The following AGBL1 variants were observed in gnomAD, a reference collection of about 807,000 sequenced individuals.
The protein encoded by AGBL1 is AGBL carboxypeptidase 1.
AGBL1 carries 130 observed loss-of-function variants against 118.9 expected under a neutral mutation model. The observed-to-expected ratio is 1.09, with a 90% CI of 0.95 to 1.26. The LOEUF (loss-of-function observed/expected upper bound fraction) is 1.26, where lower values mean the gene tolerates loss of function less well. Ranked by LOEUF, AGBL1 falls within the 50% of genes most tolerant of loss-of-function variation. The pLI, the probability that AGBL1 is intolerant of heterozygous loss-of-function variation, is 0.00. For missense variants in AGBL1, 1,584 were observed against 1,298.1 expected, an observed-to-expected ratio of 1.22 and a Z score of -3.38; for synonymous variants, 555 against 478.9, an observed-to-expected ratio of 1.16 and a Z score of -2.08.
intron 17 of AGBL1, among the ~76,000 whole-genome samples, chr15:86,336,935 T>C (rs1223573583): frequency 6.6e-6 from 1 of 152,200 alleles, no homozygotes; most frequent in East Asian, 1.9e-4. Flanking sequence ...GATAGTCTTC[T>C]AGCACAGGAA....
intron 19 of AGBL1, among the ~76,000 whole-genome samples, chr15:86,542,590 A>T (rs1009771606): frequency 2.0e-5 from 3 of 151,752 alleles, no homozygotes; most frequent in African/African-American, 7.3e-5. Context: ...CTGGTCTCGA[A>T]CTCCTGACCT....
chr15:86,486,234 T>C (rs1038873799), intron 18 of AGBL1, among the ~76,000 whole-genome samples: 1 of 152,118 alleles, frequency 6.6e-6, no homozygotes, highest in African/African-American at 2.4e-5. Flanking sequence ...TCCTGATCCA[T>C]GCTGTGAATA....
chr15:86,205,469 G>A (rs1349115769), intron 5 of AGBL1, among the ~76,000 whole-genome samples: 2 of 152,124 alleles, frequency 1.3e-5, no homozygotes, highest in Non-Finnish European at 2.9e-5. Flanking sequence ...AGGTAAATAC[G>A]AAGGAGCACA....
intron 17 of AGBL1, among the ~76,000 whole-genome samples, chr15:86,391,640 GTT>G (rs751427467): frequency 1.8e-4 from 13 of 73,782 alleles, no homozygotes; most frequent in East Asian, 1.4e-3. Flanking sequence ...GTTGTTGTTG[GTT>G]TTTTTTTTTT....
intron 18 of AGBL1, among the ~76,000 whole-genome samples, chr15:86,433,300 G>A (rs1374252822): frequency 4.3e-5 from 2 of 46,296 alleles, no homozygotes; most frequent in African/African-American, 9.8e-5. Flanking sequence ...TTTTGCCATT[G>A]GCCACATAGT....
intron 6 of AGBL1, among the ~76,000 whole-genome samples, chr15:86,232,309 C>G (rs2078469601): frequency 6.6e-6 from 1 of 152,222 alleles, no homozygotes; most frequent in Non-Finnish European, 1.5e-5. Flanking sequence ...GAGCCGCAGA[C>G]AGTAAAGCAT....
At chr15:86,572,826 C>T (rs1462637581) in intron 21 of AGBL1, among the ~76,000 whole-genome samples, 7 of 152,228 alleles carry the variant, frequency 4.6e-5, no homozygotes, top group Admixed American at 1.3e-4. Flanking sequence ...GGCACTGCTG[C>T]CTGGAATTTT....
intron 5 of AGBL1, among the ~76,000 whole-genome samples, chr15:86,160,828 G>A: frequency 6.6e-6 from 1 of 152,196 alleles, no homozygotes; most frequent in South Asian, 2.1e-4. Context: ...TGTTTGGAAG[G>A]CTCCCCTAGG....
chr15:86,247,244 T>C (rs1245634636), intron 6 of AGBL1, among the ~76,000 whole-genome samples: 1 of 152,268 alleles, frequency 6.6e-6, no homozygotes, highest in African/African-American at 2.4e-5. Flanking sequence ...CTTATTATGC[T>C]GACTTGTCAT....
intron 22 of AGBL1, among the ~76,000 whole-genome samples, chr15:86,682,049 G>C (rs2142571596): frequency 6.6e-6 from 1 of 152,230 alleles, no homozygotes; most frequent in African/African-American, 2.4e-5. Context: ...TCTGGTAATA[G>C]CTCTCTTTAA....
At chr15:86,279,833 GA>G (rs760753450) in intron 16 of AGBL1, 50 bp downstream of exon 16, 8 of 1,597,694 alleles carry the variant, frequency 5.0e-6, no homozygotes, top group African/African-American at 1.3e-5. Flanking sequence ...GGGGCTCTCT[GA>G]GGTTTTCCTG....
intron 24 of AGBL1, among the ~76,000 whole-genome samples, chr15:86,994,995 T>C (rs1171454497): frequency 3.3e-5 from 5 of 152,194 alleles, no homozygotes; most frequent in Non-Finnish European, 5.9e-5. Context: ...GCTGACTTTA[T>C]GTTTTTTTGG....
At chr15:86,305,072 A>G (rs2079817291) in intron 17 of AGBL1, 2 of 152,134 alleles carry the variant, frequency 1.3e-5, no homozygotes, top group African/African-American at 4.8e-5. Context: ...TTTCTCTTTC[A>G]GGATCCTTGC....
chr15:86,733,712 A>G (rs1378459894), intron 22 of AGBL1, among the ~76,000 whole-genome samples: 1 of 152,230 alleles, frequency 6.6e-6, no homozygotes, highest in Admixed American at 6.5e-5. Flanking sequence ...AGGAGCTATC[A>G]TTAGCCATTT....
chr15:86,761,213 C>T (rs1267594565), intron 22 of AGBL1, among the ~76,000 whole-genome samples: 2 of 152,030 alleles, frequency 1.3e-5, no homozygotes, highest in Non-Finnish European at 2.9e-5. Context: ...ACTAGAAGGT[C>T]AGGAATACAA....
chr15:86,447,338 A>C (rs1450387927), intron 18 of AGBL1, among the ~76,000 whole-genome samples: 1 of 152,172 alleles, frequency 6.6e-6, no homozygotes, highest in Non-Finnish European at 1.5e-5. Context: ...GAGCCGCGGA[A>C]TTGTAGTGGA....
At chr15:86,239,139 T>C (rs2078602079) in intron 6 of AGBL1, among the ~76,000 whole-genome samples, 1 of 152,220 alleles carries the variant, frequency 6.6e-6, no homozygotes, top group Non-Finnish European at 1.5e-5. Flanking sequence ...TATAAAAAGA[T>C]AGATTCATCT....
At chr15:86,148,746 G>A (rs140812122) in intron 3 of AGBL1, among the ~76,000 whole-genome samples, 55 of 152,268 alleles carry the variant, frequency 3.6e-4, no homozygotes, top group African/African-American at 1.3e-3. Context: ...AGCAAGGCAG[G>A]CCAACATTCG....
At chr15:86,976,542 T>C (rs1178241439) in intron 23 of AGBL1, among the ~76,000 whole-genome samples, 1 of 152,028 alleles carries the variant, frequency 6.6e-6, no homozygotes, top group African/African-American at 2.4e-5. Flanking sequence ...TGCATGCCTT[T>C]TTCTTAGGAT....
Sources: allele counts gnomAD v4.1 joint callset (sites outside exome capture counted in the v4.1 genomes callset), GRCh38; gene constraint gnomAD v4.1.1; transcripts MANE v1.5; gene names NCBI Gene and HGNC (gene_info 2026-07-23, HGNC 2026-07-21).